DLG2: variants seen among roughly 807,000 people sequenced by gnomAD.
The protein encoded by DLG2 is discs large MAGUK scaffold protein 2.
In DLG2, 45 loss-of-function variants were observed where a neutral mutation model predicts 132.5. That is an observed-to-expected ratio of 0.34 (90% CI 0.27 to 0.44). The LOEUF is 0.44. DLG2 is among the 20% of genes least tolerant of loss of function. DLG2 has a pLI of 1.00. For missense variants in DLG2, 1,045 were observed against 1,196.9 expected (o/e 0.87, Z 1.87); for synonymous variants, 424 against 419.6 (o/e 1.01, Z -0.13).
intron 3 of DLG2, among the ~76,000 whole-genome samples, chr11:85,385,742 G>C (rs997761387): frequency 3.3e-5 from 5 of 152,184 alleles, no homozygotes; most frequent in Non-Finnish European, 7.3e-5. Context: ...AGGGATTTTT[G>C]AATGATGCAA....
chr11:84,377,454 A>G (rs2098733765), intron 7 of DLG2, among the ~76,000 whole-genome samples: 1 of 152,084 alleles, frequency 6.6e-6, no homozygotes, highest in Admixed American at 6.5e-5. Context: ...ACTTATATTC[A>G]AATGTATTAG....
rs895013070 is a variant in DLG2, at chr11:84,929,011, T to G, written c.357+182650A>C. On this transcript the variant is annotated intron_variant, in intron 6 of 27. Transcript: ENST00000376104. ...ATATATATATATATATATATATATA[T>G]ATATATATATATATTACTGTGAATG... Among the ~76,000 whole-genome samples, 166 of 133,388 alleles carry G rather than the reference T, an allele frequency of 1.2e-3. 5 individuals carry two copies. The highest frequency in any genetic ancestry group is 1.3e-3 in the Non-Finnish European group (81 of 62,268). The allele number at this position is 133,388 out of a possible 152,430, so 87.5% of individuals were successfully genotyped here.
intron 18 of DLG2, among the ~76,000 whole-genome samples, chr11:83,745,125 T>C (rs1187981076): frequency 6.6e-6 from 1 of 152,216 alleles, no homozygotes; most frequent in Non-Finnish European, 1.5e-5. Flanking sequence ...TCAACTCATC[T>C]GCTCATCCTG....
intron 7 of DLG2, among the ~76,000 whole-genome samples, chr11:84,410,035 G>A (rs2098890944): frequency 6.6e-6 from 1 of 152,176 alleles, no homozygotes; most frequent in African/African-American, 2.4e-5. Flanking sequence ...TACAGTACAT[G>A]AATGACAAAG....
chr11:84,606,791 T>A (rs1463283709), intron 6 of DLG2, among the ~76,000 whole-genome samples: 3 of 151,980 alleles, frequency 2.0e-5, no homozygotes, highest in East Asian at 1.9e-4. Context: ...AAGAAAAAGG[T>A]CATAGGAGAC....
At chr11:84,344,060 A>G (rs1246081516) in intron 7 of DLG2, among the ~76,000 whole-genome samples, 1 of 152,206 alleles carries the variant, frequency 6.6e-6, no homozygotes, top group African/African-American at 2.4e-5. Context: ...TATGTTCGAA[A>G]GAATATAGCC....
At chr11:83,511,095 C>CACACACACACACA (rs1221990434) in intron 21 of DLG2, among the ~76,000 whole-genome samples, 1 of 148,298 alleles carries the variant, frequency 6.7e-6, no homozygotes, top group Non-Finnish European at 1.5e-5. Flanking sequence ...CAGACACACA[C>CACACACACACACA]ACACACACAC....
chr11:85,463,275 A>T (rs1597547137), intron 3 of DLG2, among the ~76,000 whole-genome samples: 1 of 152,210 alleles, frequency 6.6e-6, no homozygotes, highest in South Asian at 2.1e-4. Flanking sequence ...AATAACTGCA[A>T]AGTGGTTAAA....
intron 11 of DLG2, among the ~76,000 whole-genome samples, chr11:84,031,254 T>C (rs910850848): frequency 2.0e-5 from 3 of 150,472 alleles, no homozygotes; most frequent in Admixed American, 2.0e-4. Context: ...AAAAAATGAA[T>C]ATAGGAAGCA....
rs548861166 is a variant in DLG2 at position 84,308,628 on chromosome 11, C to A, written c.520-57337G>T. ...CGGCGCTGGTAGGGGAGGCTCCGGC[C>A]GCACAGGAGCTCACGGAGTGGGGGA... is the stretch of plus-strand genomic sequence containing the variant. On this transcript the variant is annotated intron_variant, in intron 7 of 27. Coordinates refer to ENST00000376104, the MANE Select transcript of DLG2 (RefSeq NM_001142699.3). 1.7e-3 allele frequency among the ~76,000 whole-genome samples: 252 copies of A among 152,274 alleles called. 2 individuals are homozygous for A. Among genetic ancestry groups the A allele is most frequent in the African/African-American group, 5.7e-3 (237 of 41,570 alleles).
chr11:84,117,154 G>C (rs12808314), intron 9 of DLG2, among the ~76,000 whole-genome samples: 5,271 of 152,238 alleles, frequency 0.035, 136 homozygotes, highest in Non-Finnish European at 0.055. Flanking sequence ...ACAAATGAAA[G>C]CAACTGCTCC....
chr11:84,973,426 C>G (rs939703785), intron 6 of DLG2, among the ~76,000 whole-genome samples: 2 of 152,124 alleles, frequency 1.3e-5, no homozygotes, highest in African/African-American at 4.8e-5. Flanking sequence ...TTCTGGAGCC[C>G]TGGCCAGCAG....
intron 18 of DLG2, among the ~76,000 whole-genome samples, chr11:83,686,391 CTAAA>C (rs59044907): frequency 0.029 from 4,363 of 152,072 alleles, 191 homozygotes; most frequent in African/African-American, 0.099. Context: ...ACATTATATA[CTAAA>C]TATTGTATAT....
At chr11:84,913,660 T>C (rs1346653032) in intron 6 of DLG2, among the ~76,000 whole-genome samples, 2 of 152,094 alleles carry the variant, frequency 1.3e-5, no homozygotes, top group Admixed American at 1.3e-4. Flanking sequence ...CATATACATA[T>C]ATATAGGATA....
chr11:83,777,338 GA>G (rs370545593), intron 18 of DLG2, among the ~76,000 whole-genome samples: 36 of 152,254 alleles, frequency 2.4e-4, no homozygotes, highest in African/African-American at 8.4e-4. Context: ...AATTCTATGT[GA>G]ATTAGGAATC....
At chr11:84,801,716 CA>C (rs1192751815) in intron 6 of DLG2, among the ~76,000 whole-genome samples, 1 of 152,130 alleles carries the variant, frequency 6.6e-6, no homozygotes, top group Non-Finnish European at 1.5e-5. Context: ...GTGTTGTGAT[CA>C]TCATAAGACA....
intron 14 of DLG2, among the ~76,000 whole-genome samples, chr11:83,938,894 C>T (rs368963725): frequency 2.0e-4 from 30 of 152,254 alleles, no homozygotes; most frequent in African/African-American, 6.7e-4. Context: ...TTCAAGATAA[C>T]GCTGTTTCTT....
At chr11:85,073,432 A>G (rs1035202986) in intron 6 of DLG2, among the ~76,000 whole-genome samples, 2 of 151,858 alleles carry the variant, frequency 1.3e-5, no homozygotes. Flanking sequence ...TCCATCTTAA[A>G]AGATTATTAT....
At chr11:85,293,607 C>A (rs2079043947) in intron 3 of DLG2, among the ~76,000 whole-genome samples, 1 of 151,926 alleles carries the variant, frequency 6.6e-6, no homozygotes, top group Non-Finnish European at 1.5e-5. Context: ...TTGAAATCTT[C>A]AAAAATGTCA....
Sources: gnomAD v4.1 joint callset for allele counts (sites outside exome capture counted in the v4.1 genomes callset) on GRCh38, gnomAD v4.1.1 for gene constraint, MANE v1.5 for transcripts, NCBI Gene and HGNC (gene_info 2026-07-23, HGNC 2026-07-21) for gene names.